VPS45: variants seen among roughly 807,000 people sequenced by gnomAD.
VPS45 encodes vacuolar protein sorting-associated protein 45.
Under a neutral mutation model 75.9 loss-of-function variants are expected in VPS45, and 35 were observed. The observed-to-expected ratio is 0.46, with a 90% CI of 0.35 to 0.61. The LOEUF (loss-of-function observed/expected upper bound fraction) is 0.61, where lower values mean the gene tolerates loss of function less well. Among genes scored for constraint, VPS45 ranks in the 20% least tolerant of loss-of-function variants. The pLI is 0.00. For synonymous variants in VPS45, 220 were observed against 238.2 expected, an observed-to-expected ratio of 0.92 and a Z score of 0.70; for missense variants, 559 against 685.9, an observed-to-expected ratio of 0.81 and a Z score of 2.07.
At chr1:150,083,655 GAT>G (rs10591209) in intron 10 of VPS45, among the ~76,000 whole-genome samples, 10 of 146,978 alleles carry the variant, frequency 6.8e-5, no homozygotes, top group South Asian at 2.1e-4. Context: ...AATAAATATT[GAT>G]ATATATATAT....
intron 10 of VPS45, among the ~76,000 whole-genome samples, chr1:150,090,366 T>G (rs587682026): frequency 1.3e-5 from 2 of 152,348 alleles, no homozygotes; most frequent in African/African-American, 4.8e-5. Context: ...CTTCCTCTTT[T>G]GCACTGATTT....
chr1:150,108,069 A>C (rs1050811491), intron 13 of VPS45, among the ~76,000 whole-genome samples: 1 of 152,328 alleles, frequency 6.6e-6, no homozygotes, highest in Non-Finnish European at 1.5e-5. Flanking sequence ...TGGCCCAAGC[A>C]ACTAGAAGGC....
rs376809976 is a variant in VPS45 at position 150,110,650 on chromosome 1, C to T, written c.1625+23C>T. On this transcript the variant is annotated intron_variant, in intron 14 of 14. Coordinates refer to ENST00000644510, the MANE Select transcript of VPS45 (RefSeq NM_007259.5). ...AAGGTAAAAGAGAACATTCATTCTA[C>T]AACTGTGTCCTCTTTCCCAGAGGAT... 6 of 1,563,076 alleles carry T rather than the reference C, an allele frequency of 3.8e-6. No individual in the cohort carries two copies. The African/African-American group carries it at 8.1e-5, about 21-fold the overall frequency.
intron 3 of VPS45, among the ~76,000 whole-genome samples, 170 bp from the exon 4 acceptor site, chr1:150,076,063 A>AATATATATATAT (rs71825614): frequency 6.1e-4 from 86 of 140,052 alleles, no homozygotes; most frequent in Middle Eastern, 3.6e-3. Context: ...GTCCTTTTAA[A>AATATATATATAT]ATATATATAT....
In VPS45 at chr1:150,122,988, C is replaced by CAAAA. The variant is rs111687152; in HGVS notation, c.1625+12374_1625+12377dup. Among the ~76,000 whole-genome samples, 584 of 126,418 alleles carry CAAAA rather than the reference C, an allele frequency of 4.6e-3. 5 individuals carry two copies. Among genetic ancestry groups the CAAAA allele is most frequent in the Middle Eastern group, 0.024 (6 of 248 alleles). 82.9% of individuals were successfully genotyped at this position (126,418 alleles called of 152,430 possible). On this transcript the variant is annotated intron_variant, in intron 14 of 14. Coordinates refer to ENST00000644510, the MANE Select transcript of VPS45 (RefSeq NM_007259.5). ...GGGCAACAAGAGCGAAACTCCTTCT[C>CAAAA]AAAAAAAAAAAAAAAAGCATTTTCA...
intron 14 of VPS45, among the ~76,000 whole-genome samples, chr1:150,114,593 A>AAAT (rs1363670204): frequency 1.4e-3 from 22 of 15,214 alleles, no homozygotes; most frequent in Non-Finnish European, 4.0e-4. Context: ...AAAAAAAAAA[A>AAAT]GGTAAAATTA....
intron 14 of VPS45, among the ~76,000 whole-genome samples, chr1:150,124,550 T>TTTC (rs1309440048): frequency 1.2e-3 from 1 of 866 alleles, no homozygotes; most frequent in Non-Finnish European, 2.8e-3. Context: ...TTTTTCTTTT[T>TTTC]TCTTTTTTTT....
chr1:150,086,971 C>A (rs1368674984), intron 10 of VPS45, among the ~76,000 whole-genome samples: 147 of 149,198 alleles, frequency 9.9e-4, no homozygotes, highest in African/African-American at 1.3e-3. Flanking sequence ...TAAACTAAAA[C>A]AAAAAAAAAG....
chr1:150,077,891 A>T (rs370843713), intron 7 of VPS45, 112 bp downstream of exon 7: 2 of 874,028 alleles, frequency 2.3e-6, no homozygotes, highest in Middle Eastern at 2.2e-4. Flanking sequence ...ATTTTTAGCT[A>T]TTCTTGGTTT....
At chr1:150,101,776 G>A (rs1234521894) in intron 13 of VPS45, among the ~76,000 whole-genome samples, 2 of 151,790 alleles carry the variant, frequency 1.3e-5, no homozygotes, top group African/African-American at 4.8e-5. Flanking sequence ...TGGCGAGGCT[G>A]CAGAGAAAAG....
At chr1:150,090,296 T>C (rs186414762) in intron 10 of VPS45, among the ~76,000 whole-genome samples, 19 of 152,338 alleles carry the variant, frequency 1.2e-4, no homozygotes, top group Admixed American at 5.2e-4. Flanking sequence ...GTGTCACCTC[T>C]GTGAAGTCTT....
At chr1:150,119,728 G>A (rs1658132771) in intron 14 of VPS45, among the ~76,000 whole-genome samples, 1 of 152,194 alleles carries the variant, frequency 6.6e-6, no homozygotes, top group South Asian at 2.1e-4. Context: ...TATTAATACA[G>A]AAGCTACTAT....
Position 150,092,030 on chromosome 1 carries a change from A to G in VPS45, c.1198A>G (p.Ser400Gly), listed in dbSNP as rs1553802021. 6.2e-7 allele frequency: 1 copy of G among 1,614,166 alleles called. No homozygotes were observed. The highest frequency in any genetic ancestry group is 1.7e-5 in the Admixed American group (1 of 60,014). The change falls in exon 11 of 15, where the codon AGC becomes GGC. Residue 400 changes from serine (S) to glycine (G), a missense_variant. Coordinates refer to ENST00000644510, the MANE Select transcript of VPS45 (RefSeq NM_007259.5). Reference sequence around the variant, plus strand: ...TGCTTTACATTATGAGCGACACAGCAGCAATAGCCTGCCAGGACTAATGAT... The same window carrying G: ...TGCTTTACATTATGAGCGACACAGCGGCAATAGCCTGCCAGGACTAATGAT... Reference protein sequence around the residue: ...LYALHYERHSSNSLPGLMMDL... With the variant: ...LYALHYERHSGNSLPGLMMDL...
At position 150,137,772 on chromosome 1, in the gene VPS45, A is replaced by G. The variant is rs150964762; in HGVS notation, c.1626-6937A>G. ...TCTACTAAAATATAAAAAATTAGCC[A>G]GGCATGGCGGCGTATTTCTGTAGTC... On this transcript the variant is annotated intron_variant, in intron 14 of 14. Transcript: ENST00000644510. Among the ~76,000 whole-genome samples the G allele has an allele frequency of 5.5e-3, 832 of 152,186 alleles. 7 individuals are homozygous for G. Among genetic ancestry groups the G allele is most frequent in the Middle Eastern group, 0.027 (8 of 294 alleles).
At chr1:150,135,496 C>T (rs1179130901) in intron 14 of VPS45, among the ~76,000 whole-genome samples, 2 of 152,176 alleles carry the variant, frequency 1.3e-5, no homozygotes, top group East Asian at 3.9e-4. Context: ...GAACTCCTGA[C>T]CTCACGTGAT....
intron 13 of VPS45, 134 bp from the exon 14 acceptor site, chr1:150,110,362 C>T: frequency 2.2e-5 from 19 of 877,236 alleles, no homozygotes; most frequent in African/African-American, 7.0e-5. Context: ...TTTTTTAAAC[C>T]TTTTATTCTA....
intron 14 of VPS45, among the ~76,000 whole-genome samples, chr1:150,141,199 C>G (rs1159425163): frequency 6.6e-6 from 1 of 152,144 alleles, no homozygotes; most frequent in Non-Finnish European, 1.5e-5. Flanking sequence ...AGACAAATAT[C>G]TTGGGGTTTT....
chr1:150,121,573 A>G (rs958654269), intron 14 of VPS45, among the ~76,000 whole-genome samples: 1 of 152,136 alleles, frequency 6.6e-6, no homozygotes, highest in South Asian at 2.1e-4. Context: ...AGCCAGATAT[A>G]TATTTACTTG....
At chr1:150,108,120 A>G (rs782658206) in intron 13 of VPS45, among the ~76,000 whole-genome samples, 16 of 152,234 alleles carry the variant, frequency 1.1e-4, no homozygotes, top group Admixed American at 2.0e-4. Context: ...CTATAGGTAG[A>G]ACAGACTTAG....
Sources: gnomAD v4.1 joint callset for allele counts (sites outside exome capture counted in the v4.1 genomes callset) on GRCh38, gnomAD v4.1.1 for gene constraint, MANE v1.5 for transcripts, NCBI Gene and HGNC (gene_info 2026-07-23, HGNC 2026-07-21) for gene names.